Variants in OSTM1 observed in about 807,000 individuals in gnomAD.
OSTM1 encodes the protein osteopetrosis-associated transmembrane protein 1.
In OSTM1, 26 loss-of-function variants were observed where a neutral mutation model predicts 35.4. The observed-to-expected ratio is 0.73, with a 90% CI of 0.54 to 1.02. The LOEUF is 1.02. Among genes scored for constraint, OSTM1 ranks in the 50% least tolerant of loss-of-function variants. The probability of loss-of-function intolerance (pLI) is 0.00; values close to 1 mark genes in which losing one functional copy is unlikely to be tolerated. For synonymous variants in OSTM1, 181 were observed against 165.0 expected (o/e 1.10, Z -0.75); for missense variants, 366 against 409.6 (o/e 0.89, Z 0.92).
chr6:108,067,970 T>C (rs1772410224), intron 1 of OSTM1, among the ~76,000 whole-genome samples: 1 of 152,108 alleles, frequency 6.6e-6, no homozygotes, highest in South Asian at 2.1e-4. Context: ...ACTCTTCCCA[T>C]GTCCTCATCT....
At chr6:108,052,865 C>A (rs1372192907) in intron 3 of OSTM1, among the ~76,000 whole-genome samples, 3 of 152,168 alleles carry the variant, frequency 2.0e-5, no homozygotes, top group Non-Finnish European at 2.9e-5. Context: ...TTTAGGACTG[C>A]AGTAATTCAG....
In OSTM1 at chr6:108,052,620, A is replaced by C. The variant is rs892752504; in HGVS notation, c.616-1422T>G. On this transcript the variant is annotated intron_variant, in intron 3 of 5. Transcript: ENST00000193322. The stretch of plus-strand genomic sequence containing the variant: ...CACCTCAACCTTCCAAAGTGCTGGG[A>C]TTACAGGCAGGTGCCACCATACCTG... Among the ~76,000 whole-genome samples, 4 of 147,342 alleles carry C rather than the reference A, an allele frequency of 2.7e-5. No individual in the cohort carries two copies. In the Admixed American group the frequency reaches 2.8e-4, roughly 10 times the overall value.
In OSTM1 at chr6:108,043,478, C is replaced by T. The variant is rs1327702922; in HGVS notation, c.*1307G>A. On this transcript the variant is annotated 3_prime_UTR_variant, in exon 6 of 6. Coordinates refer to ENST00000193322, the MANE Select transcript of OSTM1 (RefSeq NM_014028.4). ...GAAGGGATTCAAATTCTCTTTTTAACAAAATTCTTGTTTCTATATAGAGGA... is the reference window on the plus strand; with the variant it reads ...GAAGGGATTCAAATTCTCTTTTTAATAAAATTCTTGTTTCTATATAGAGGA... 2 of 152,100 alleles carry T rather than the reference C, an allele frequency of 1.3e-5. No individual in the cohort carries two copies. The highest frequency in any genetic ancestry group is 4.8e-5 in the African/African-American group (2 of 41,418). The allele number at this position is 152,100 out of a possible 1,614,324, so 9.4% of individuals were successfully genotyped here. A position where few individuals can be genotyped will look rare whatever the true frequency, so the allele number is the denominator to read the frequency against.
At chr6:108,058,613 A>T (rs111489904) in intron 2 of OSTM1, among the ~76,000 whole-genome samples, 2 of 151,980 alleles carry the variant, frequency 1.3e-5, no homozygotes, top group Non-Finnish European at 1.5e-5. Flanking sequence ...CGTCTCAACT[A>T]AAAATACAAA....
rs1415148421 is a variant in OSTM1 at position 108,041,607 on chromosome 6, A to G, written c.*3178T>C. The G allele has an allele frequency of 2.6e-5, 4 of 152,238 alleles. No homozygotes were observed. Among genetic ancestry groups the G allele is most frequent in the Non-Finnish European group, 5.9e-5 (4 of 68,036 alleles). The allele number at this position is 152,238 out of a possible 1,614,324, so 9.4% of individuals were successfully genotyped here. A position where few individuals can be genotyped will look rare whatever the true frequency, so the allele number is the denominator to read the frequency against. On this transcript the variant is annotated 3_prime_UTR_variant, in exon 6 of 6. Transcript: ENST00000193322. ...CCTTTTTAAAATAACCAATACTATC[A>G]TTTTATGAAATCTTTACAAGATAAG... is the stretch of plus-strand genomic sequence containing the variant.
At chr6:108,050,525 G>A (rs1191256770) in intron 4 of OSTM1, among the ~76,000 whole-genome samples, 4 of 151,890 alleles carry the variant, frequency 2.6e-5, no homozygotes, top group Non-Finnish European at 5.9e-5. Flanking sequence ...CACTACACCC[G>A]GCTAATTTTT....
chr6:108,070,814 T>G (rs9486796), intron 1 of OSTM1, among the ~76,000 whole-genome samples: 1 of 148,004 alleles, frequency 6.8e-6, no homozygotes, highest in Non-Finnish European at 1.5e-5. Context: ...CGCTTGAACC[T>G]GGGAGGCGAA....
intron 2 of OSTM1, among the ~76,000 whole-genome samples, chr6:108,063,002 T>C (rs1285484081): frequency 2.6e-5 from 4 of 151,370 alleles, no homozygotes; most frequent in African/African-American, 7.3e-5. Flanking sequence ...TGCAATGTCC[T>C]TCTCTCATTT....
Position 108,074,428 on chromosome 6 carries a change from G to A in OSTM1, c.224C>T (p.Pro75Leu), listed in dbSNP as rs1184626707. The change falls in exon 1 of 6, where the codon CCG becomes CTG. Residue 75 changes from proline to leucine, a missense_variant. Physicochemically the swap from Pro to Leu is moderately conservative, Grantham distance 98. Around this residue, in one of 3 missense-constraint regions of OSTM1, gnomAD observed 236 missense variants for 239.3 expected, o/e 0.99. Coordinates refer to ENST00000193322, the MANE Select transcript of OSTM1 (RefSeq NM_014028.4). ...CTCAGGATCCAGATCCGGCAGGTCC[G>A]GGGGCAGCGACAGAGGCCCCAGCCC... is the stretch of plus-strand genomic sequence containing the variant. ...GGGLGPLSLP[P>L]DLPDLDPECR... 1.3e-6 allele frequency: 2 copies of A among 1,561,140 alleles called. No homozygotes were observed. Among genetic ancestry groups the A allele is most frequent in the African/African-American group, 1.4e-5 (1 of 73,790 alleles).
In OSTM1 at chr6:108,044,797, T is replaced by G. The variant is rs765049869; in HGVS notation, c.993A>C (p.Glu331Asp). 2 of 1,576,334 alleles carry G rather than the reference T, an allele frequency of 1.3e-6. No homozygotes were observed. Among genetic ancestry groups the G allele is most frequent in the African/African-American group, 1.3e-5 (1 of 74,348 alleles). Reference sequence around the variant, plus strand: ...CATTTTGTAGGTCTCAGTTTGAATTTTCCTGAATATTTGCAAAACTGGTAC... The same window carrying G: ...CATTTTGTAGGTCTCAGTTTGAATTGTCCTGAATATTTGCAAAACTGGTAC... ...KSSTSFANIQ[E>D]NSN The change falls in exon 6 of 6, where the codon GAA becomes GAC. Residue 331 changes from glutamate to aspartate, a missense_variant. Glu to Asp is a conservative substitution (Grantham distance 45). Coordinates refer to ENST00000193322, the MANE Select transcript of OSTM1 (RefSeq NM_014028.4).
chr6:108,061,842 CA>C (rs200892976), intron 2 of OSTM1, among the ~76,000 whole-genome samples: 2 of 147,694 alleles, frequency 1.4e-5, no homozygotes, highest in African/African-American at 2.5e-5. Flanking sequence ...CCCACTGAGC[CA>C]AAAAAAAACC....
intron 1 of OSTM1, among the ~76,000 whole-genome samples, chr6:108,070,253 G>A (rs867096630): frequency 6.6e-5 from 10 of 152,092 alleles, no homozygotes; most frequent in Middle Eastern, 3.4e-3. Flanking sequence ...TGGCTAGGCT[G>A]GTCTCAAACT....
chr6:108,045,397 G>A (rs1462951778), intron 5 of OSTM1, among the ~76,000 whole-genome samples: 3 of 149,564 alleles, frequency 2.0e-5, no homozygotes, highest in Non-Finnish European at 4.4e-5. Context: ...AGCGCAACAA[G>A]GCAAGAGAAA....
chr6:108,047,603 T>TG (rs1338334424), intron 5 of OSTM1, among the ~76,000 whole-genome samples: 4 of 152,214 alleles, frequency 2.6e-5, no homozygotes, highest in Non-Finnish European at 5.9e-5. Flanking sequence ...AAGGGGCTCT[T>TG]GCGTTAGTAC....
Position 108,044,761 on chromosome 6 carries a change from T to C in OSTM1, c.*24A>G, listed in dbSNP as rs760165490. On this transcript the variant is annotated 3_prime_UTR_variant, in exon 6 of 6. Transcript: ENST00000193322. ...TCTTCCACCATTCATTCACGTGATA[T>C]GTCAATTCTCCATTTTGTAGGTCTC... The C allele has an allele frequency of 4.3e-6, 6 of 1,398,156 alleles. 1 individual carries two copies. The highest frequency in any genetic ancestry group is 6.1e-6 in the Non-Finnish European group (6 of 990,030). The allele number at this position is 1,398,156 out of a possible 1,614,324, so 86.6% of individuals were successfully genotyped here. A position where few individuals can be genotyped will look rare whatever the true frequency, so the allele number is the denominator to read the frequency against.
chr6:108,047,677 A>T (rs4946895), intron 5 of OSTM1, among the ~76,000 whole-genome samples: 36,847 of 152,016 alleles, frequency 0.24, 4,557 homozygotes, highest in Admixed American at 0.26. Context: ...CGGACTAAGC[A>T]GAACTGGCAG....
chr6:108,073,783 G>A (rs564844877), intron 1 of OSTM1: 52 of 170,848 alleles, frequency 3.0e-4, no homozygotes, highest in Middle Eastern at 2.9e-3. Flanking sequence ...ACTTTATAGA[G>A]GAGGAAACTA....
At chr6:108,068,966 C>A (rs1772431236) in intron 1 of OSTM1, among the ~76,000 whole-genome samples, 1 of 152,122 alleles carries the variant, frequency 6.6e-6, no homozygotes, top group Non-Finnish European at 1.5e-5. Flanking sequence ...CCACAAACTC[C>A]TTCCCATCTC....
chr6:108,044,698 C>A lies in OSTM1; in HGVS notation c.*87G>T. The A allele has an allele frequency of 1.3e-6, 1 of 772,962 alleles. No homozygotes were observed. Among genetic ancestry groups the A allele is most frequent in the Admixed American group, 1.8e-5 (1 of 54,816 alleles). 47.9% of individuals were successfully genotyped at this position (772,962 alleles called of 1,614,324 possible). A position where few individuals can be genotyped will look rare whatever the true frequency, so the allele number is the denominator to read the frequency against. On this transcript the variant is annotated 3_prime_UTR_variant, in exon 6 of 6. Coordinates refer to ENST00000193322, the MANE Select transcript of OSTM1 (RefSeq NM_014028.4). ...TGTATTTCTTAAGAGCTTGACTTGT[C>A]AAATCACAGTTTATCTTCTTTCTGA...
Sources: allele counts gnomAD v4.1 joint callset (sites outside exome capture counted in the v4.1 genomes callset), GRCh38; gene constraint gnomAD v4.1.1; regional missense constraint gnomAD v4.1.1; transcripts MANE v1.5; gene names NCBI Gene and HGNC (gene_info 2026-07-23, HGNC 2026-07-21).